Variants in PLA2G6 observed in about 807,000 individuals in gnomAD.
The protein encoded by PLA2G6 is 85/88 kDa calcium-independent phospholipase A2.
PLA2G6 carries 62 observed loss-of-function variants against 83.8 expected under a neutral mutation model. That is an observed-to-expected ratio of 0.74 (90% CI 0.60 to 0.91). The LOEUF is 0.91. Among genes scored for constraint, PLA2G6 ranks in the 40% least tolerant of loss-of-function variants. PLA2G6 has a pLI of 0.00. For missense variants in PLA2G6, 944 were observed against 1,102.0 expected (o/e 0.86, Z 2.03); for synonymous variants, 417 against 449.8 (o/e 0.93, Z 0.92).
intron 8 of PLA2G6, 71 bp downstream of exon 8, chr22:38,129,383 T>A: frequency 9.3e-7 from 1 of 1,072,258 alleles, no homozygotes; most frequent in Non-Finnish European, 1.5e-6. Context: ...TGCCTGGGAC[T>A]TCCCTCCTCC....
At position 38,169,401 on chromosome 22, in the gene PLA2G6, T is replaced by A; in HGVS notation, c.26A>T (p.Asn9Ile). MQFFGRLV[N>I]TFSGVTNLFS... ...CAAGTTGGTGACGCCACTGAAGGTA[T>A]TGACCAGGCGGCCAAAGAACTGCAT... Residue 9 changes from asparagine to isoleucine, a missense_variant, in exon 2 of 17, where the codon AAT becomes ATT. Physicochemically the swap from Asn to Ile is moderately radical, Grantham distance 149. Transcript: ENST00000332509. The A allele has an allele frequency of 6.2e-7, 1 of 1,614,198 alleles. No homozygotes were observed. Among genetic ancestry groups the A allele is most frequent in the Non-Finnish European group, 8.5e-7 (1 of 1,180,032 alleles).
At chr22:38,142,981 G>C (rs2089009666) in intron 4 of PLA2G6, 124 bp downstream of exon 4, 1 of 904,772 alleles carries the variant, frequency 1.1e-6, no homozygotes, top group East Asian at 2.4e-5. Context: ...AAGGAGCTCA[G>C]GCCTCAAGGA....
chr22:38,127,710 A>T (rs891544141), intron 9 of PLA2G6, among the ~76,000 whole-genome samples: 1 of 152,192 alleles, frequency 6.6e-6, no homozygotes, highest in Non-Finnish European at 1.5e-5. Context: ...CAGCCCACAG[A>T]AAGTCCAGAG....
At position 38,168,169 on chromosome 22, in the gene PLA2G6, C is replaced by T. The variant is rs1354003757; in HGVS notation, c.209+1049G>A. On this transcript the variant is annotated intron_variant, in intron 2 of 16. Coordinates refer to ENST00000332509, the MANE Select transcript of PLA2G6 (RefSeq NM_003560.4). ...CACCAGACTGTACGTTCCTTAAAGA[C>T]ACAGGACATGTTTGTCATCTCACAG... 5 of 155,166 alleles carry T rather than the reference C, an allele frequency of 3.2e-5. No individual in the cohort carries two copies. In the East Asian group the frequency reaches 7.7e-4, roughly 24 times the overall value. The allele number at this position is 155,166 out of a possible 1,614,324, so 9.6% of individuals were successfully genotyped here.
chr22:38,155,490 CA>C (rs1416145935), intron 2 of PLA2G6, among the ~76,000 whole-genome samples: 1 of 152,102 alleles, frequency 6.6e-6, no homozygotes, highest in African/African-American at 2.4e-5. Flanking sequence ...TACAACTTTT[CA>C]GACATAAACA....
intron 10 of PLA2G6, among the ~76,000 whole-genome samples, chr22:38,125,856 C>T (rs1342049488): frequency 1.3e-5 from 2 of 152,212 alleles, no homozygotes; most frequent in African/African-American, 2.4e-5. Flanking sequence ...GCACTGAGTT[C>T]AAGCACCCGG....
chr22:38,168,447 T>C (rs966174642), intron 2 of PLA2G6, among the ~76,000 whole-genome samples: 14 of 152,204 alleles, frequency 9.2e-5, no homozygotes, highest in Admixed American at 2.0e-4. Flanking sequence ...CTTTTGAGCC[T>C]TCTCTTCAGG....
chr22:38,153,704 T>C (rs1295877967), intron 2 of PLA2G6, among the ~76,000 whole-genome samples: 2 of 151,524 alleles, frequency 1.3e-5, no homozygotes, highest in African/African-American at 2.4e-5. Flanking sequence ...AAAACCAAAT[T>C]GAACTATACA....
At chr22:38,124,078 G>A (rs1328326657) in intron 10 of PLA2G6, among the ~76,000 whole-genome samples, 4 of 152,054 alleles carry the variant, frequency 2.6e-5, no homozygotes, top group African/African-American at 7.2e-5. Context: ...CATGTGATCC[G>A]CCTGTCTCGG....
At chr22:38,148,789 G>A in intron 2 of PLA2G6, 1 of 384,578 alleles carries the variant, frequency 2.6e-6, no homozygotes. Flanking sequence ...GGTTATCCTA[G>A]TTGCAATGGG....
At chr22:38,153,592 C>T (rs132953) in intron 2 of PLA2G6, among the ~76,000 whole-genome samples, 27,595 of 150,088 alleles carry the variant, frequency 0.18, 2,838 homozygotes, top group East Asian at 0.45. Context: ...GCCGAGATCG[C>T]GCCACTGCAC....
intron 1 of PLA2G6, among the ~76,000 whole-genome samples, chr22:38,174,919 C>T (rs1435403465): frequency 6.6e-6 from 1 of 152,084 alleles, no homozygotes; most frequent in African/African-American, 2.4e-5. Flanking sequence ...GAGCCAAGCC[C>T]CGGAAGAAGT....
At chr22:38,146,446 A>C (rs2089265531) in intron 2 of PLA2G6, 1 of 151,848 alleles carries the variant, frequency 6.6e-6, no homozygotes, top group South Asian at 2.1e-4. Flanking sequence ...AGCCTCCAAA[A>C]GTACTGGGAT....
intron 4 of PLA2G6, chr22:38,142,376 G>T (rs1417784234): frequency 6.5e-6 from 1 of 154,282 alleles, no homozygotes; most frequent in African/African-American, 2.4e-5. Flanking sequence ...CTATTTAATA[G>T]TATCACCCCA....
intron 5 of PLA2G6, chr22:38,136,934 A>G (rs923613130): frequency 4.6e-5 from 7 of 152,156 alleles, no homozygotes; most frequent in African/African-American, 1.4e-4. Context: ...GGGCAATGGC[A>G]TGATCATAGC....
intron 2 of PLA2G6, chr22:38,146,372 G>C (rs1325071985): frequency 6.6e-6 from 1 of 151,538 alleles, no homozygotes; most frequent in African/African-American, 2.4e-5. Context: ...TTTGTTGACA[G>C]GGGGTCTTGC....
intron 4 of PLA2G6, chr22:38,142,868 G>A (rs2089002744): frequency 3.4e-6 from 2 of 588,558 alleles, no homozygotes; most frequent in African/African-American, 1.9e-5. Context: ...TATTTTGCTG[G>A]GTTGGAGGCC....
intron 12 of PLA2G6, 24 bp downstream of exon 12, chr22:38,120,735 C>A: frequency 1.2e-6 from 2 of 1,612,454 alleles, no homozygotes; most frequent in Non-Finnish European, 1.7e-6. Context: ...GCTGCGGCCA[C>A]GGCCCCAGTG....
At chr22:38,161,246 G>A (rs755367919) in intron 2 of PLA2G6, among the ~76,000 whole-genome samples, 14 of 152,108 alleles carry the variant, frequency 9.2e-5, no homozygotes, top group Non-Finnish European at 1.6e-4. Context: ...CACAGTTCTA[G>A]AGGCTAGGAA....
Sources: allele counts gnomAD v4.1 joint callset (sites outside exome capture counted in the v4.1 genomes callset), GRCh38; gene constraint gnomAD v4.1.1; transcripts MANE v1.5; gene names NCBI Gene and HGNC (gene_info 2026-07-23, HGNC 2026-07-21).